Variants in NAA20 observed in about 807,000 individuals in gnomAD.
The protein encoded by NAA20 is N-alpha-acetyltransferase 20, NatB catalytic subunit.
NAA20 carries 24 observed loss-of-function variants against 23.8 expected under a neutral mutation model. The ratio of observed to expected loss-of-function variants is 1.01; its 90% CI spans 0.73 to 1.42. NAA20 has a LOEUF of 1.42. Among genes scored for constraint, NAA20 ranks in the 40% most tolerant of loss-of-function variants. The pLI, the probability that NAA20 is intolerant of heterozygous loss-of-function variation, is 0.00. For missense variants in NAA20, 166 were observed against 223.1 expected (o/e 0.74, Z 1.63); for synonymous variants, 83 against 77.7 (o/e 1.07, Z -0.36).
chr20:20,032,654 G>C lies in NAA20; in HGVS notation c.451+1G>C, dbSNP rs113590596. ...GGGGAGCCTGATGAGGACGCTTATG[G>C]TAAGCTCCCTTCCATGGCAGTATCC... On this transcript the variant is annotated splice_donor_variant, in intron 5 of 5. Coordinates refer to ENST00000334982, the MANE Select transcript of NAA20 (RefSeq NM_016100.5). LOFTEE classifies it high-confidence loss of function. The C allele has an allele frequency of 1.3e-6, 2 of 1,593,342 alleles. No individual in the cohort carries two copies. The highest frequency in any genetic ancestry group is 1.7e-6 in the Non-Finnish European group (2 of 1,171,674).
chr20:20,033,119 T>C lies in NAA20; in HGVS notation c.469T>C (p.Ser157Pro). 6.2e-7 allele frequency: 1 copy of C among 1,613,336 alleles called. No homozygotes were observed. The highest frequency in any genetic ancestry group is 8.5e-7 in the Non-Finnish European group (1 of 1,179,340). Reference sequence around the variant, plus strand: ...CTTTACAGATATGAGGAAAGCACTTTCCAGGGATACTGAGAAGAAATCCAT... The same window carrying C: ...CTTTACAGATATGAGGAAAGCACTTCCCAGGGATACTGAGAAGAAATCCAT... ...EDAYDMRKAL[S>P]RDTEKKSIIP... Residue 157 changes from serine to proline, a missense_variant, in exon 6 of 6, where the codon TCC becomes CCC. Transcript: ENST00000334982.
Position 20,033,472 on chromosome 20 carries a change from GA to G in NAA20, c.*289del. 1 of 277,334 alleles carries G rather than the reference GA, an allele frequency of 3.6e-6. No homozygotes were observed. Among genetic ancestry groups the G allele is most frequent in the Non-Finnish European group, 6.8e-6 (1 of 147,046 alleles). 17.2% of individuals were successfully genotyped at this position (277,334 alleles called of 1,614,324 possible). On this transcript the variant is annotated 3_prime_UTR_variant, in exon 6 of 6. Transcript: ENST00000334982. Reference sequence around the variant, plus strand: ...TAGTATTCACTGTATGTATGCTAGGGAAAAGACTTGCTCCAGTCTCCTCCTC... The same window carrying G: ...TAGTATTCACTGTATGTATGCTAGGGAAAGACTTGCTCCAGTCTCCTCCTC...
Position 20,033,290 on chromosome 20 carries a change from A to T in NAA20, c.*103A>T. The stretch of plus-strand genomic sequence containing the variant: ...CTATTAGGAGAAAAGTAATCATTTT[A>T]GGTCTTAAAGACTTCAAGAAAATAC... On this transcript the variant is annotated 3_prime_UTR_variant, in exon 6 of 6. Coordinates refer to ENST00000334982, the MANE Select transcript of NAA20 (RefSeq NM_016100.5). The T allele has an allele frequency of 1.1e-6, 1 of 904,900 alleles. No homozygotes were observed. 56.1% of individuals were successfully genotyped at this position (904,900 alleles called of 1,614,324 possible). A position where few individuals can be genotyped will look rare whatever the true frequency, so the allele number is the denominator to read the frequency against.
intron 4 of NAA20, among the ~76,000 whole-genome samples, chr20:20,028,474 C>T (rs1443866655): frequency 6.6e-6 from 1 of 152,038 alleles, no homozygotes; most frequent in Non-Finnish European, 1.5e-5. Context: ...TATCCCAGAA[C>T]TTAAAGTATA....
In NAA20 at chr20:20,021,042, G is replaced by C. The variant is rs866881702; in HGVS notation, c.54-1414G>C. 2.9e-4 allele frequency among the ~76,000 whole-genome samples: 33 copies of C among 114,850 alleles called. 1 individual carries two copies. Among genetic ancestry groups the C allele is most frequent in the African/African-American group, 1.0e-3 (29 of 27,728 alleles). 75.3% of individuals were successfully genotyped at this position (114,850 alleles called of 152,430 possible). On this transcript the variant is annotated intron_variant, in intron 1 of 5. Transcript: ENST00000334982. ...TGTGTGCGTGGGTTCGGTGGGCGGG[G>C]GGGGGGGGGGACTTTGGCAAAGACT...
chr20:20,030,648 G>A (rs974830817), intron 4 of NAA20, among the ~76,000 whole-genome samples: 2 of 151,876 alleles, frequency 1.3e-5, no homozygotes, highest in East Asian at 3.9e-4. Context: ...TAAATATTTA[G>A]AATTAATAAA....
In NAA20 at chr20:20,026,809, A is replaced by G. The variant is rs1382970924; in HGVS notation, c.195A>G (p.Val65=). 1 of 1,614,182 alleles carries G rather than the reference A, an allele frequency of 6.2e-7. No homozygotes were observed. The highest frequency in any genetic ancestry group is 8.5e-7 in the Non-Finnish European group (1 of 1,180,020). ...TTATGGGTAAAGCAGAAGGCTCAGTAGCTAGGGAAGAATGGCACGGGCACG... is the reference window on the plus strand; with the variant it reads ...TTATGGGTAAAGCAGAAGGCTCAGTGGCTAGGGAAGAATGGCACGGGCACG... ...GYIMGKAEGS[V]AREEWHGHVT... The change falls in exon 4 of 6, where the codon GTA becomes GTG. Residue 65 remains valine, a synonymous_variant. Transcript: ENST00000334982.
At chr20:20,017,351 G>A (rs757335241), upstream of NAA20, 1 of 1,607,856 alleles carries the variant, frequency 6.2e-7, no homozygotes. Flanking sequence ...CCGGCAGGGC[G>A]GGCGCGGGGT....
At position 20,031,087 on chromosome 20, in the gene NAA20, A is replaced by AT. The variant is rs1205272835; in HGVS notation, c.306-1415dup. On this transcript the variant is annotated intron_variant, in intron 4 of 5. Coordinates refer to ENST00000334982, the MANE Select transcript of NAA20 (RefSeq NM_016100.5). ...TGTAATTGCAGTCAAAATCCCAAGC[A>AT]TTTTTTATAGTACTTGTTAAGCTGA... Among the ~76,000 whole-genome samples the AT allele has an allele frequency of 2.6e-5, 4 of 152,226 alleles. No homozygotes were observed. The East Asian group carries it at 7.7e-4, about 29-fold the overall frequency.
In NAA20 at chr20:20,025,605, T is replaced by G. The variant is rs1055377993; in HGVS notation, c.79-72T>G. The G allele has an allele frequency of 6.0e-6, 7 of 1,168,136 alleles. No individual in the cohort carries two copies. The African/African-American group carries it at 6.1e-5, about 10-fold the overall frequency. The allele number at this position is 1,168,136 out of a possible 1,614,324, so 72.4% of individuals were successfully genotyped here. A position where few individuals can be genotyped will look rare whatever the true frequency, so the allele number is the denominator to read the frequency against. On this transcript the variant is annotated intron_variant, in intron 2 of 5. Coordinates refer to ENST00000334982, the MANE Select transcript of NAA20 (RefSeq NM_016100.5). Reference sequence around the variant, plus strand: ...AACAGTATACTTTTTAAAGGAAACTTTTTTTACAATATCCCTTAATGAAGA... The same window carrying G: ...AACAGTATACTTTTTAAAGGAAACTGTTTTTACAATATCCCTTAATGAAGA...
At chr20:20,022,409 TTATTG>T (rs2043274925) in intron 1 of NAA20, 42 bp from the exon 2 acceptor site, 4 of 1,549,982 alleles carry the variant, frequency 2.6e-6, no homozygotes, top group Non-Finnish European at 3.5e-6. Flanking sequence ...TTTCAACTGG[TTATTG>T]TAAACGCTGC....
chr20:20,020,914 G>A (rs763226673), intron 1 of NAA20, among the ~76,000 whole-genome samples: 23 of 152,106 alleles, frequency 1.5e-4, no homozygotes, highest in Admixed American at 4.6e-4. Context: ...GATGCAGGAG[G>A]GAAAGAGAAT....
In NAA20 at chr20:20,025,747, G is replaced by A; in HGVS notation, c.149G>A (p.Gly50Asp). Residue 50 changes from glycine to aspartate, a missense_variant, in exon 3 of 6, where the codon GGT (glycine) becomes GAT (aspartate). Transcript: ENST00000334982. ...PEYFIVAEAP[G>D]GELMGYIMGK... ...TATTTCATTGTTGCAGAGGCACCTG[G>A]TGGAGAATTAATGGGTTATAGTAAG... is the stretch of plus-strand genomic sequence containing the variant. 4 of 1,607,590 alleles carry A rather than the reference G, an allele frequency of 2.5e-6. No homozygotes were observed. The highest frequency in any genetic ancestry group is 2.6e-6 in the Non-Finnish European group (3 of 1,174,108).
chr20:20,028,598 C>A (rs1348889964), intron 4 of NAA20, among the ~76,000 whole-genome samples: 2 of 152,162 alleles, frequency 1.3e-5, no homozygotes, highest in African/African-American at 4.8e-5. Flanking sequence ...CTCTTCCCTT[C>A]CAGTTTCTAA....
intron 1 of NAA20, chr20:20,018,157 C>T: frequency 6.7e-7 from 1 of 1,484,844 alleles, no homozygotes; most frequent in South Asian, 1.1e-5. Flanking sequence ...GCCCTGGATG[C>T]AGTTTCTTTG....
At chr20:20,017,626 A>G (rs2146457211) in intron 1 of NAA20, 177 bp downstream of exon 1, 1 of 1,302,320 alleles carries the variant, frequency 7.7e-7, no homozygotes, top group African/African-American at 1.5e-5. Context: ...GTCCAGGGAG[A>G]GGTGGGCCTG....
chr20:20,019,395 C>T (rs2043252949), intron 1 of NAA20, among the ~76,000 whole-genome samples: 1 of 152,094 alleles, frequency 6.6e-6, no homozygotes, highest in Admixed American at 6.5e-5. Flanking sequence ...GACAGGGTGC[C>T]TTGAAGCTTC....
chr20:20,025,895 A>G, intron 3 of NAA20, 128 bp downstream of exon 3: 1 of 718,434 alleles, frequency 1.4e-6, no homozygotes, highest in Non-Finnish European at 2.4e-6. Context: ...TCAACAATTC[A>G]AGAACTTACT....
Position 20,022,494 on chromosome 20 carries a change from C to CAAAA in NAA20, c.78+23_78+26dup. The CAAAA allele has an allele frequency of 5.1e-6, 6 of 1,187,488 alleles. No individual in the cohort carries two copies. The highest frequency in any genetic ancestry group is 1.9e-5 in the African/African-American group (1 of 53,676). The allele number at this position is 1,187,488 out of a possible 1,614,324, so 73.6% of individuals were successfully genotyped here. A position where few individuals can be genotyped will look rare whatever the true frequency, so the allele number is the denominator to read the frequency against. ...CTTACAGAAACTGTATCCTTTTTTA[C>CAAAA]AAAAAAAAAAAAGTTGAATGAAGAT... On this transcript the variant is annotated intron_variant, in intron 2 of 5. Coordinates refer to ENST00000334982, the MANE Select transcript of NAA20 (RefSeq NM_016100.5).
Sources: allele counts gnomAD v4.1 joint callset (sites outside exome capture counted in the v4.1 genomes callset), GRCh38; gene constraint gnomAD v4.1.1; transcripts MANE v1.5; gene names NCBI Gene and HGNC (gene_info 2026-07-23, HGNC 2026-07-21).